The following ATP6V1H variants were observed in gnomAD, a reference collection of about 807,000 sequenced individuals.
ATP6V1H encodes the protein ATPase H+ transporting V1 subunit H.
Under a neutral mutation model 71.7 loss-of-function variants are expected in ATP6V1H, and 39 were observed. That is an observed-to-expected ratio of 0.54 (90% CI 0.42 to 0.71). The LOEUF (loss-of-function observed/expected upper bound fraction) is 0.71. Among genes scored for constraint, ATP6V1H ranks in the 30% least tolerant of loss-of-function variants. The pLI, the probability that ATP6V1H is intolerant of heterozygous loss-of-function variation, is 0.00. For missense variants in ATP6V1H, 509 were observed against 594.9 expected, an observed-to-expected ratio of 0.86 and a Z score of 1.50; for synonymous variants, 192 against 199.3, an observed-to-expected ratio of 0.96 and a Z score of 0.31.
At chr8:53,766,979 C>T (rs1808493557) in intron 11 of ATP6V1H, among the ~76,000 whole-genome samples, 1 of 152,190 alleles carries the variant, frequency 6.6e-6, no homozygotes, top group African/African-American at 2.4e-5. Context: ...CACCTATTCG[C>T]ACACTCCCTC....
intron 4 of ATP6V1H, among the ~76,000 whole-genome samples, chr8:53,826,886 A>G (rs1810838488): frequency 6.6e-6 from 1 of 151,412 alleles, no homozygotes; most frequent in African/African-American, 2.4e-5. Flanking sequence ...CAGGAGGCAG[A>G]GGTTGCGGTG....
intron 11 of ATP6V1H, among the ~76,000 whole-genome samples, chr8:53,761,585 A>T (rs1030756597): frequency 2.0e-5 from 3 of 152,048 alleles, no homozygotes; most frequent in Non-Finnish European, 2.9e-5. Context: ...CACTAGATTT[A>T]AAAAAAACCT....
chr8:53,781,664 A>C (rs1401107906), intron 9 of ATP6V1H, among the ~76,000 whole-genome samples: 9 of 151,918 alleles, frequency 5.9e-5, no homozygotes, highest in African/African-American at 1.9e-4. Context: ...TAGGGTTTTT[A>C]TGGTTTTAGG....
At chr8:53,780,368 T>A (rs1809064654) in intron 9 of ATP6V1H, among the ~76,000 whole-genome samples, 1 of 152,186 alleles carries the variant, frequency 6.6e-6, no homozygotes, top group African/African-American at 2.4e-5. Context: ...GCCTTCTCTA[T>A]TCTTCTTTAA....
chr8:53,819,585 T>TATATATATAAAA (rs1451338810), intron 4 of ATP6V1H, among the ~76,000 whole-genome samples: 1 of 83,568 alleles, frequency 1.2e-5, no homozygotes, highest in East Asian at 5.8e-4. Context: ...TATATATATA[T>TATATATATAAAA]AAAATACACA....
At chr8:53,798,438 T>G (rs1030872869) in intron 8 of ATP6V1H, among the ~76,000 whole-genome samples, 2 of 152,078 alleles carry the variant, frequency 1.3e-5, no homozygotes, top group African/African-American at 4.8e-5. Context: ...GCAGAATTAT[T>G]TGAACCCAGG....
chr8:53,806,223 G>A lies in ATP6V1H; in HGVS notation c.580-4327C>T, dbSNP rs146611553. ...GAAAATTGTTTTCTCGTTAGCAAAG[G>A]AAAAGAAAAATAATATCTCTACCAC... On this transcript the variant is annotated intron_variant, in intron 7 of 13. Coordinates refer to ENST00000359530, the MANE Select transcript of ATP6V1H (RefSeq NM_015941.4). 2.2e-3 allele frequency among the ~76,000 whole-genome samples: 337 copies of A among 151,440 alleles called. 2 individuals carry two copies. Among genetic ancestry groups the A allele is most frequent in the African/African-American group, 7.9e-3 (326 of 41,310 alleles).
chr8:53,722,254 G>A (rs1806647616), intron 13 of ATP6V1H, among the ~76,000 whole-genome samples: 1 of 152,184 alleles, frequency 6.6e-6, no homozygotes, highest in African/African-American at 2.4e-5. Flanking sequence ...TCCAACGTGT[G>A]GTTATGATGG....
chr8:53,740,212 A>T (rs1256075771), intron 13 of ATP6V1H, among the ~76,000 whole-genome samples: 1 of 152,228 alleles, frequency 6.6e-6, no homozygotes, highest in African/African-American at 2.4e-5. Context: ...ACCCAGTTCC[A>T]TGATTTCATA....
At chr8:53,738,172 T>A (rs1363432740) in intron 13 of ATP6V1H, among the ~76,000 whole-genome samples, 1 of 151,946 alleles carries the variant, frequency 6.6e-6, no homozygotes, top group Non-Finnish European at 1.5e-5. Context: ...TGGCGGGCAC[T>A]TGTAATCCCA....
intron 2 of ATP6V1H, among the ~76,000 whole-genome samples, chr8:53,834,042 C>T (rs1209334668): frequency 6.6e-6 from 1 of 152,180 alleles, no homozygotes; most frequent in East Asian, 1.9e-4. Context: ...AATACAGACC[C>T]TTCCTTGTCT....
At chr8:53,770,269 G>A (rs2130313591) in intron 10 of ATP6V1H, among the ~76,000 whole-genome samples, 1 of 152,112 alleles carries the variant, frequency 6.6e-6, no homozygotes, top group African/African-American at 2.4e-5. Flanking sequence ...ATAATTAATT[G>A]AATTAATCCA....
At chr8:53,769,423 A>G (rs534718843) in intron 11 of ATP6V1H, among the ~76,000 whole-genome samples, 195 bp downstream of exon 11, 3 of 152,280 alleles carry the variant, frequency 2.0e-5, no homozygotes, top group African/African-American at 7.2e-5. Flanking sequence ...AAGAAAATAG[A>G]CTTGAACAGG....
At chr8:53,838,423 G>A (rs1811234306) in intron 2 of ATP6V1H, among the ~76,000 whole-genome samples, 1 of 152,086 alleles carries the variant, frequency 6.6e-6, no homozygotes, top group Admixed American at 6.5e-5. Context: ...CTGGCCACCT[G>A]TGAGTGTCTT....
chr8:53,737,692 T>C (rs1807269460), intron 13 of ATP6V1H, among the ~76,000 whole-genome samples: 1 of 152,228 alleles, frequency 6.6e-6, no homozygotes, highest in African/African-American at 2.4e-5. Context: ...ATTCCTTTTT[T>C]AAAATGTAAG....
intron 13 of ATP6V1H, among the ~76,000 whole-genome samples, chr8:53,742,267 T>A (rs1447515159): frequency 1.3e-5 from 2 of 152,212 alleles, no homozygotes; most frequent in Non-Finnish European, 2.9e-5. Context: ...TTACAGGATA[T>A]TACCAGCACT....
intron 10 of ATP6V1H, among the ~76,000 whole-genome samples, chr8:53,771,712 G>C (rs1489227876): frequency 6.6e-6 from 1 of 152,138 alleles, no homozygotes; most frequent in Admixed American, 6.5e-5. Context: ...GAGAAGACTC[G>C]AGGAGCTCCA....
At chr8:53,801,059 T>C (rs1319530901) in intron 8 of ATP6V1H, among the ~76,000 whole-genome samples, 1 of 152,206 alleles carries the variant, frequency 6.6e-6, no homozygotes, top group South Asian at 2.1e-4. Context: ...AAGTAACCCA[T>C]TCTAAGAAAT....
At chr8:53,720,461 A>G (rs1585713785) in intron 13 of ATP6V1H, among the ~76,000 whole-genome samples, 1 of 152,230 alleles carries the variant, frequency 6.6e-6, no homozygotes, top group Non-Finnish European at 1.5e-5. Context: ...GTGACTGACT[A>G]TCTAGCTTCT....
Sources: gnomAD v4.1 joint callset for allele counts (sites outside exome capture counted in the v4.1 genomes callset) on GRCh38, gnomAD v4.1.1 for gene constraint, MANE v1.5 for transcripts, NCBI Gene and HGNC (gene_info 2026-07-23, HGNC 2026-07-21) for gene names.